DRC7: variants seen among roughly 807,000 people sequenced by gnomAD.
The protein encoded by DRC7 is dynein regulatory complex subunit 7.
In DRC7, 80 loss-of-function variants were observed where a neutral mutation model predicts 104.4. The ratio of observed to expected loss-of-function variants is 0.77; its 90% CI spans 0.64 to 0.92. The LOEUF is 0.92. Among genes scored for constraint, DRC7 ranks in the 40% least tolerant of loss-of-function variants. The pLI is 0.00. For missense variants in DRC7, 1,034 were observed against 1,141.1 expected (o/e 0.91, Z 1.35); for synonymous variants, 405 against 447.3 (o/e 0.91, Z 1.19).
At chr16:57,704,768 G>T (rs915098892) in intron 6 of DRC7, 108 bp from the exon 7 acceptor site, 45 of 1,312,446 alleles carry the variant, frequency 3.4e-5, no homozygotes, top group Non-Finnish European at 4.6e-5. Context: ...AGGAGTAGCT[G>T]CCATCCCCCG....
intron 9 of DRC7, among the ~76,000 whole-genome samples, chr16:57,719,377 G>T (rs1202117628): frequency 6.6e-6 from 1 of 152,212 alleles, no homozygotes; most frequent in African/African-American, 2.4e-5. Context: ...TGAGATCAAG[G>T]TGTGGACAGG....
At chr16:57,707,187 A>G (rs1474162633) in intron 7 of DRC7, among the ~76,000 whole-genome samples, 1 of 152,236 alleles carries the variant, frequency 6.6e-6, no homozygotes, top group African/African-American at 2.4e-5. Context: ...AAGTCATAAC[A>G]TATAAAGCCG....
intron 8 of DRC7, among the ~76,000 whole-genome samples, chr16:57,712,144 A>G (rs1413971066): frequency 6.6e-6 from 1 of 152,240 alleles, no homozygotes; most frequent in Non-Finnish European, 1.5e-5. Context: ...GCCTTCACCT[A>G]GGAATGAACA....
chr16:57,726,036 T>C (rs2048959334), intron 13 of DRC7, 32 bp from the exon 14 acceptor site: 3 of 1,584,832 alleles, frequency 1.9e-6, no homozygotes, highest in Non-Finnish European at 2.6e-6. Flanking sequence ...CGCTCATCCT[T>C]TGCTCATCCT....
At chr16:57,721,444 G>T (rs1159956350) in intron 9 of DRC7, among the ~76,000 whole-genome samples, 3 of 152,146 alleles carry the variant, frequency 2.0e-5, no homozygotes, top group Non-Finnish European at 2.9e-5. Flanking sequence ...CAGGGCAGGG[G>T]GTGCTGCTGT....
chr16:57,696,749 C>T (rs1479491718), intron 2 of DRC7, among the ~76,000 whole-genome samples, 155 bp downstream of exon 2: 3 of 152,174 alleles, frequency 2.0e-5, no homozygotes, highest in African/African-American at 7.2e-5. Flanking sequence ...TGTGTTACCC[C>T]CACCCCCCAC....
At chr16:57,719,145 C>T (rs1195506798) in intron 9 of DRC7, among the ~76,000 whole-genome samples, 2 of 152,076 alleles carry the variant, frequency 1.3e-5, no homozygotes, top group African/African-American at 4.8e-5. Context: ...CTTGTCTGTT[C>T]TGTCAGTTCC....
intron 18 of DRC7, 22 bp downstream of exon 18, chr16:57,731,092 A>G: frequency 6.2e-7 from 1 of 1,613,694 alleles, no homozygotes; most frequent in Non-Finnish European, 8.5e-7. Flanking sequence ...GGGCAGGTGG[A>G]GAGAACCCAC....
Position 57,702,003 on chromosome 16 carries a change from C to T in DRC7, c.572C>T (p.Thr191Met), listed in dbSNP as rs561267302. ...AAGGGGAACTGCTTTGACTTCAGTA[C>T]GCTGCTCTGCTCCATGCTTATCGGC... Reference protein sequence around the residue: ...YQKGNCFDFSTLLCSMLIGSG... With the variant: ...YQKGNCFDFSMLLCSMLIGSG... Residue 191 changes from threonine (T) to methionine (M), a missense_variant, in exon 6 of 19, where the codon ACG (threonine) becomes ATG (methionine). By Grantham distance (81) the Thr-to-Met change is moderately conservative. Transcript: ENST00000360716. The T allele has an allele frequency of 6.1e-5, 99 of 1,614,224 alleles. No homozygotes were observed. The Admixed American group carries it at 1.3e-3, about 22-fold the overall frequency.
intron 12 of DRC7, 21 bp downstream of exon 12, chr16:57,723,151 G>T: frequency 1.2e-6 from 2 of 1,611,154 alleles, no homozygotes; most frequent in Non-Finnish European, 1.7e-6. Flanking sequence ...CCCCTTTCCT[G>T]GGCCACCCAG....
intron 9 of DRC7, among the ~76,000 whole-genome samples, chr16:57,721,027 A>T (rs1199841304): frequency 6.6e-6 from 1 of 151,958 alleles, no homozygotes; most frequent in Non-Finnish European, 1.5e-5. Context: ...GTGAGACACC[A>T]CCCTCCTCCC....
intron 7 of DRC7, among the ~76,000 whole-genome samples, chr16:57,705,876 A>T (rs2048716059): frequency 1.6e-5 from 2 of 125,200 alleles, no homozygotes; most frequent in Non-Finnish European, 3.3e-5. Context: ...TTATTCTCCC[A>T]TCCATCCATC....
Position 57,718,489 on chromosome 16 carries a change from G to A in DRC7, c.1206+14G>A. On this transcript the variant is annotated intron_variant, in intron 9 of 18. Coordinates refer to ENST00000360716, the MANE Select transcript of DRC7 (RefSeq NM_001289162.2). The stretch of plus-strand genomic sequence containing the variant: ...GTGGAAAATCTGGTGAGTCTCAGCA[G>A]CTCGAGAGCCCAGGGAATGTGTGTG... The A allele has an allele frequency of 6.2e-7, 1 of 1,613,396 alleles. No individual in the cohort carries two copies. The highest frequency in any genetic ancestry group is 1.7e-5 in the Admixed American group (1 of 59,988).
intron 14 of DRC7, 51 bp downstream of exon 14, chr16:57,726,334 G>A (rs1348113621): frequency 6.6e-7 from 1 of 1,505,972 alleles, no homozygotes; most frequent in East Asian, 2.3e-5. Flanking sequence ...AGGAACCGGG[G>A]CTCTCTGTCT....
In DRC7 at chr16:57,731,536, C is replaced by A; in HGVS notation, c.*278C>A. 2.1e-6 allele frequency: 1 copy of A among 482,962 alleles called. No homozygotes were observed. Among genetic ancestry groups the A allele is most frequent in the South Asian group, 2.4e-5 (1 of 42,154 alleles). The allele number at this position is 482,962 out of a possible 1,614,324, so 29.9% of individuals were successfully genotyped here. A position where few individuals can be genotyped will look rare whatever the true frequency, so the allele number is the denominator to read the frequency against. The stretch of plus-strand genomic sequence containing the variant: ...TATAGCCTGGGACCACCCCCTTCCT[C>A]CCCTTGGCCTGTCGTTTGCTTCCTG... On this transcript the variant is annotated 3_prime_UTR_variant, in exon 19 of 19. Transcript: ENST00000360716.
At position 57,731,734 on chromosome 16, in the gene DRC7, C is replaced by T. The variant is rs1263996990; in HGVS notation, c.*476C>T. The T allele has an allele frequency of 5.9e-6, 1 of 168,692 alleles. No homozygotes were observed. Among genetic ancestry groups the T allele is most frequent in the African/African-American group, 2.4e-5 (1 of 41,616 alleles). 10.4% of individuals were successfully genotyped at this position (168,692 alleles called of 1,614,324 possible). On this transcript the variant is annotated 3_prime_UTR_variant, in exon 19 of 19. Coordinates refer to ENST00000360716, the MANE Select transcript of DRC7 (RefSeq NM_001289162.2). ...ATTTGAGGACTGAATCCCAGCTCCT[C>T]CTCTTACCAGATACCACTTACCCAT... is the stretch of plus-strand genomic sequence containing the variant.
At chr16:57,695,169 C>A (rs1252643640) in intron 1 of DRC7, among the ~76,000 whole-genome samples, 1 of 150,792 alleles carries the variant, frequency 6.6e-6, no homozygotes, top group Admixed American at 6.6e-5. Context: ...AGCTCTGCCT[C>A]TGATGGTGTT....
chr16:57,709,536 T>C (rs1444939484), intron 8 of DRC7, among the ~76,000 whole-genome samples: 5 of 152,228 alleles, frequency 3.3e-5, no homozygotes, highest in Admixed American at 2.0e-4. Context: ...AGGTTTTTTT[T>C]TAATCAAACA....
chr16:57,718,805 T>C (rs1308462104), intron 9 of DRC7, among the ~76,000 whole-genome samples: 2 of 151,936 alleles, frequency 1.3e-5, no homozygotes, highest in African/African-American at 2.4e-5. Flanking sequence ...CTGGGCAACA[T>C]AGTGGGACCC....
Sources: gnomAD v4.1 joint callset for allele counts (sites outside exome capture counted in the v4.1 genomes callset) on GRCh38, gnomAD v4.1.1 for gene constraint, MANE v1.5 for transcripts, NCBI Gene and HGNC (gene_info 2026-07-23, HGNC 2026-07-21) for gene names.